The following DPP6 variants were observed in gnomAD, a reference collection of about 807,000 sequenced individuals.
DPP6 encodes dipeptidyl peptidase like 6.
Under a neutral mutation model 122.6 loss-of-function variants are expected in DPP6, and 69 were observed. The observed-to-expected ratio is 0.56, with a 90% CI of 0.46 to 0.69. The LOEUF is 0.69. Among genes scored for constraint, DPP6 ranks in the 30% least tolerant of loss-of-function variants. The probability of loss-of-function intolerance (pLI) is 0.00; values close to 1 mark genes in which losing one functional copy is unlikely to be tolerated. For synonymous variants in DPP6, 418 were observed against 433.1 expected, an observed-to-expected ratio of 0.97 and a Z score of 0.43; for missense variants, 928 against 1,116.9, an observed-to-expected ratio of 0.83 and a Z score of 2.41.
At chr7:154,609,485 T>C (rs1833774339) in intron 5 of DPP6, among the ~76,000 whole-genome samples, 1 of 152,242 alleles carries the variant, frequency 6.6e-6, no homozygotes, top group African/African-American at 2.4e-5. Flanking sequence ...TGTTTACTCT[T>C]TTGTGCCTGT....
At chr7:154,527,052 G>T (rs1827464135) in intron 3 of DPP6, among the ~76,000 whole-genome samples, 1 of 152,190 alleles carries the variant, frequency 6.6e-6, no homozygotes, top group Admixed American at 6.5e-5. Flanking sequence ...TTACGTTATA[G>T]CTGCATGATG....
chr7:154,780,723 G>A (rs1796967403), intron 10 of DPP6, among the ~76,000 whole-genome samples: 1 of 152,210 alleles, frequency 6.6e-6, no homozygotes, highest in African/African-American at 2.4e-5. Flanking sequence ...GGCATCTGCA[G>A]GAAAATGAGA....
the DPP6 span, among the ~76,000 whole-genome samples, chr7:153,855,685 G>A: frequency 2.0e-5 from 3 of 152,044 alleles, no homozygotes; most frequent in African/African-American, 7.2e-5. Context: ...GTGTGTTTGG[G>A]CACACCTCAA....
chr7:154,503,016 G>C (rs1238703001), intron 3 of DPP6, among the ~76,000 whole-genome samples: 1 of 152,154 alleles, frequency 6.6e-6, no homozygotes, highest in African/African-American at 2.4e-5. Context: ...GTCAACAGCA[G>C]AATAACGGCT....
rs530131572 is a variant in DPP6, at chr7:154,464,481, A to G, written c.359-10458A>G. On this transcript the variant is annotated intron_variant, in intron 2 of 25. Coordinates refer to ENST00000377770, the MANE Select transcript of DPP6 (RefSeq NM_130797.4). ...GAATAGTTGTTCAATTGGTGTTCCT[A>G]TAGAGAGGATGATCAGTGAAGGCTT... 7.9e-5 allele frequency among the ~76,000 whole-genome samples: 12 copies of G among 152,342 alleles called. 4 individuals carry two copies. Among genetic ancestry groups the G allele is most frequent in the Admixed American group, 7.2e-4 (11 of 15,298 alleles).
chr7:153,947,871 G>A (rs781563694), intron 1 of DPP6, among the ~76,000 whole-genome samples: 4 of 152,146 alleles, frequency 2.6e-5, no homozygotes, highest in Non-Finnish European at 5.9e-5. Context: ...GAAGTCGGAT[G>A]GTCCTTCCTG....
intron 1 of DPP6, among the ~76,000 whole-genome samples, chr7:153,988,170 AG>A (rs1796942156): frequency 6.6e-6 from 1 of 151,972 alleles, no homozygotes; most frequent in South Asian, 2.1e-4. Flanking sequence ...TTGACGGAGG[AG>A]GGAGGGAGGG....
the DPP6 span, among the ~76,000 whole-genome samples, chr7:153,869,075 T>C: frequency 1.3e-5 from 2 of 152,198 alleles, no homozygotes; most frequent in Non-Finnish European, 1.5e-5. Context: ...CTTCCAACTA[T>C]GTGGTCAATT....
At chr7:154,066,128 C>T in intron 1 of DPP6, among the ~76,000 whole-genome samples, 1 of 149,214 alleles carries the variant, frequency 6.7e-6, no homozygotes, top group East Asian at 2.0e-4. Context: ...GATACAAACT[C>T]AGCTCACTGT....
the DPP6 span, among the ~76,000 whole-genome samples, chr7:153,784,084 AT>A: frequency 6.6e-6 from 1 of 152,244 alleles, no homozygotes; most frequent in African/African-American, 2.4e-5. Flanking sequence ...TTAAAACAAT[AT>A]AAGATAATAC....
intron 1 of DPP6, among the ~76,000 whole-genome samples, chr7:154,247,908 T>C (rs995484851): frequency 1.2e-4 from 19 of 152,202 alleles, no homozygotes; most frequent in African/African-American, 4.3e-4. Context: ...TGAACTGTTA[T>C]TGTGTTAGTC....
chr7:154,381,387 CTGTT>C (rs1298782207), intron 1 of DPP6, among the ~76,000 whole-genome samples: 1 of 152,206 alleles, frequency 6.6e-6, no homozygotes, highest in Admixed American at 6.5e-5. Context: ...AATAAGAAAT[CTGTT>C]TGATCAACTC....
At chr7:154,590,526 A>G (rs1375830852) in intron 5 of DPP6, among the ~76,000 whole-genome samples, 1 of 67,668 alleles carries the variant, frequency 1.5e-5, no homozygotes, top group Non-Finnish European at 2.9e-5. Flanking sequence ...AATAAGGTAG[A>G]TACTATTTTT....
chr7:154,401,405 T>A (rs551914887), intron 1 of DPP6, among the ~76,000 whole-genome samples: 1 of 150,748 alleles, frequency 6.6e-6, no homozygotes, highest in South Asian at 2.1e-4. Flanking sequence ...CAACCCCAAA[T>A]TATTGATTTA....
intron 7 of DPP6, among the ~76,000 whole-genome samples, chr7:154,695,432 A>G (rs1840163327): frequency 1.3e-5 from 2 of 152,256 alleles, no homozygotes; most frequent in South Asian, 4.1e-4. Context: ...TAAGACATAC[A>G]TACATGACAG....
Position 154,599,494 on chromosome 7 carries a change from T to TTTA in DPP6, c.627+32604_627+32606dup, listed in dbSNP as rs144958836. On this transcript the variant is annotated intron_variant, in intron 5 of 25. Transcript: ENST00000377770. ...TTCTCTCTACTCAAGTGGACTTCTT[T>TTTA]TTATTATTATTATTATTATTATTAT... Among the ~76,000 whole-genome samples the TTTA allele has an allele frequency of 3.5e-3, 525 of 149,174 alleles. 3 individuals carry two copies. Among genetic ancestry groups the TTTA allele is most frequent in the East Asian group, 9.4e-3 (48 of 5,094 alleles).
chr7:154,316,414 T>C (rs1310076788), intron 1 of DPP6, among the ~76,000 whole-genome samples: 1 of 152,170 alleles, frequency 6.6e-6, no homozygotes, highest in Non-Finnish European at 1.5e-5. Context: ...TGTTGAAAAA[T>C]GGGCATTTTA....
chr7:153,949,246 T>A (rs1347319295), intron 1 of DPP6, among the ~76,000 whole-genome samples: 1 of 152,202 alleles, frequency 6.6e-6, no homozygotes, highest in East Asian at 1.9e-4. Flanking sequence ...GAGCACTGGA[T>A]CCTTTACTCT....
chr7:154,034,712 A>G (rs191608191), intron 1 of DPP6, among the ~76,000 whole-genome samples: 160 of 151,900 alleles, frequency 1.1e-3, no homozygotes, highest in African/African-American at 3.4e-3. Context: ...GTTCTTGATG[A>G]TATCTGGGCA....
Sources: allele counts gnomAD v4.1 joint callset (sites outside exome capture counted in the v4.1 genomes callset), GRCh38; gene constraint gnomAD v4.1.1; transcripts MANE v1.5; gene names NCBI Gene and HGNC (gene_info 2026-07-23, HGNC 2026-07-21).